Variants in UBE2V1 observed in about 807,000 individuals in gnomAD.
The protein encoded by UBE2V1 is ubiquitin conjugating enzyme E2 V1.
UBE2V1 carries 15 observed loss-of-function variants against 19.6 expected under a neutral mutation model. The observed-to-expected ratio is 0.77, with a 90% CI of 0.51 to 1.18. The LOEUF (loss-of-function observed/expected upper bound fraction) is 1.18. Among genes scored for constraint, UBE2V1 ranks in the 50% most tolerant of loss-of-function variants. The pLI, the probability that UBE2V1 is intolerant of heterozygous loss-of-function variation, is 0.00. For synonymous variants in UBE2V1, 60 were observed against 60.7 expected (o/e 0.99, Z 0.05); for missense variants, 125 against 184.8 (o/e 0.68, Z 1.88).
chr20:50,113,650 A>G (rs573264057), upstream of UBE2V1, among the ~76,000 whole-genome samples: 193 of 152,332 alleles, frequency 1.3e-3, no homozygotes, highest in Non-Finnish European at 1.8e-3. Flanking sequence ...CCTCCAGGTC[A>G]GATGATCTGG....
chr20:50,092,501 G>A (rs2079301560), intron 2 of UBE2V1, among the ~76,000 whole-genome samples: 1 of 151,992 alleles, frequency 6.6e-6, no homozygotes, highest in Non-Finnish European at 1.5e-5. Flanking sequence ...TAGAGGCCAG[G>A]GATGCTGCTA....
upstream of UBE2V1, among the ~76,000 whole-genome samples, chr20:50,113,856 T>C (rs900348806): frequency 2.6e-5 from 4 of 152,194 alleles, no homozygotes; most frequent in Admixed American, 6.5e-5. Flanking sequence ...CCAGACACTG[T>C]GCTAGGCGCT....
At chr20:50,086,534 A>T (rs531688994) in intron 2 of UBE2V1, among the ~76,000 whole-genome samples, 2 of 152,240 alleles carry the variant, frequency 1.3e-5, no homozygotes, top group African/African-American at 4.8e-5. Flanking sequence ...TATGGAGAAT[A>T]TAACAGATCC....
chr20:50,095,091 A>T (rs2079544193), intron 2 of UBE2V1: 1 of 152,188 alleles, frequency 6.6e-6, no homozygotes, highest in African/African-American at 2.4e-5. Context: ...GTGTATCGCA[A>T]TGTTGTACAT....
intron 1 of UBE2V1, among the ~76,000 whole-genome samples, chr20:50,106,948 T>A (rs575927058): frequency 6.6e-6 from 1 of 151,152 alleles, no homozygotes; most frequent in Non-Finnish European, 1.5e-5. Flanking sequence ...TTAAAAATGG[T>A]TTGGTTGCCC....
chr20:50,102,262 C>T (rs192666631), intron 1 of UBE2V1, among the ~76,000 whole-genome samples: 1,553 of 152,196 alleles, frequency 0.01, 10 homozygotes, highest in Non-Finnish European at 0.016. Flanking sequence ...CAAAAAACAA[C>T]AACAACAAAA....
At chr20:50,094,902 T>C (rs1455278738) in intron 2 of UBE2V1, 2 of 152,174 alleles carry the variant, frequency 1.3e-5, no homozygotes, top group Admixed American at 6.5e-5. Flanking sequence ...AACAAATACA[T>C]GGAGGACTCC....
At chr20:50,106,477 C>T (rs2080363471) in intron 1 of UBE2V1, among the ~76,000 whole-genome samples, 1 of 152,134 alleles carries the variant, frequency 6.6e-6, no homozygotes, top group East Asian at 1.9e-4. Context: ...TCATGGCCAC[C>T]AAGCAGCAGC....
intron 2 of UBE2V1, among the ~76,000 whole-genome samples, chr20:50,092,988 C>G (rs1015588814): frequency 1.3e-5 from 2 of 152,166 alleles, no homozygotes; most frequent in Admixed American, 1.3e-4. Context: ...GCACCCAAGG[C>G]CCCCCACTCC....
At chr20:50,084,353 T>C in intron 2 of UBE2V1, 99 bp from the exon 3 acceptor site, 2 of 1,595,496 alleles carry the variant, frequency 1.3e-6, no homozygotes, top group Non-Finnish European at 1.7e-6. Context: ...GTAGAACTGG[T>C]ACATCTGCTT....
chr20:50,108,998 A>C lies in UBE2V1; in HGVS notation c.22+4109T>G, dbSNP rs945372290. On this transcript the variant is annotated intron_variant, in intron 1 of 3. Coordinates refer to ENST00000371674, the MANE Select transcript of UBE2V1 (RefSeq NM_001032288.3). ...CTTTTCCATTTCCTGCAGGCTGGTG[A>C]GGGAACAGGAGTTAAAAATGCCTGG... 3 of 985,306 alleles carry C rather than the reference A, an allele frequency of 3.0e-6. No individual in the cohort carries two copies. In the African/African-American group the frequency reaches 5.2e-5, roughly 17 times the overall value. 61.0% of individuals were successfully genotyped at this position (985,306 alleles called of 1,614,324 possible). A position where few individuals can be genotyped will look rare whatever the true frequency, so the allele number is the denominator to read the frequency against.
chr20:50,112,227 G>T (rs1245333823), intron 1 of UBE2V1, among the ~76,000 whole-genome samples: 11 of 152,246 alleles, frequency 7.2e-5, no homozygotes, highest in Non-Finnish European at 8.8e-5. Context: ...CATTTCAGGG[G>T]CTTCCCTCAG....
intron 1 of UBE2V1, chr20:50,108,973 C>G: frequency 1.0e-6 from 1 of 985,430 alleles, no homozygotes; most frequent in Non-Finnish European, 1.2e-6. Context: ...AAATCCATGC[C>G]TTTTCCATTT....
intron 1 of UBE2V1, among the ~76,000 whole-genome samples, chr20:50,098,330 T>G (rs1373551226): frequency 5.3e-5 from 8 of 152,096 alleles, no homozygotes; most frequent in Non-Finnish European, 1.2e-4. Context: ...AAGAGGAGAT[T>G]AAGGATGCCA....
chr20:50,097,651 C>A (rs1332224618), intron 1 of UBE2V1, among the ~76,000 whole-genome samples: 1 of 152,158 alleles, frequency 6.6e-6, no homozygotes, highest in East Asian at 1.9e-4. Flanking sequence ...GTTGCACTCC[C>A]AACCAATCCT....
chr20:50,110,443 C>T (rs565205772), intron 1 of UBE2V1, among the ~76,000 whole-genome samples: 26 of 152,292 alleles, frequency 1.7e-4, no homozygotes, highest in African/African-American at 5.8e-4. Flanking sequence ...TCCTGGCAAC[C>T]GGAGGCACAG....
chr20:50,101,485 C>T (rs10211768), intron 1 of UBE2V1, among the ~76,000 whole-genome samples: 1 of 131,980 alleles, frequency 7.6e-6, no homozygotes, highest in African/African-American at 2.9e-5. Context: ...ATGACGCAAT[C>T]TCAGCTCACT....
intron 1 of UBE2V1, among the ~76,000 whole-genome samples, chr20:50,101,571 C>CAAAAAA (rs11481618): frequency 6.9e-4 from 49 of 71,186 alleles, no homozygotes; most frequent in African/African-American, 2.0e-3. Flanking sequence ...CATTTATAAG[C>CAAAAAA]AAAAAAAAAA....
intron 2 of UBE2V1, among the ~76,000 whole-genome samples, chr20:50,094,544 TAAG>T (rs1021307295): frequency 3.3e-5 from 5 of 151,814 alleles, no homozygotes; most frequent in Admixed American, 6.6e-5. Context: ...TATTCAGCCA[TAAG>T]AAGAATAAAA....
Sources: gnomAD v4.1 joint callset for allele counts (sites outside exome capture counted in the v4.1 genomes callset) on GRCh38, gnomAD v4.1.1 for gene constraint, MANE v1.5 for transcripts, NCBI Gene and HGNC (gene_info 2026-07-23, HGNC 2026-07-21) for gene names.